RBFOX3: variants seen among roughly 807,000 people sequenced by gnomAD.
RBFOX3 encodes RNA binding protein fox-1 homolog 3.
Under a neutral mutation model 48.7 loss-of-function variants are expected in RBFOX3, and 17 were observed. The ratio of observed to expected loss-of-function variants is 0.35; its 90% CI spans 0.24 to 0.52. The LOEUF (loss-of-function observed/expected upper bound fraction) is 0.52, where lower values mean the gene tolerates loss of function less well. Ranked by LOEUF, RBFOX3 falls within the 20% of genes least tolerant of loss-of-function variation. The pLI is 0.94. For missense variants in RBFOX3, 382 were observed against 497.5 expected, an observed-to-expected ratio of 0.77 and a Z score of 2.21; for synonymous variants, 212 against 209.5, an observed-to-expected ratio of 1.01 and a Z score of -0.10.
chr17:79,097,039 G>A (rs1199517558), intron 11 of RBFOX3, among the ~76,000 whole-genome samples: 2 of 152,102 alleles, frequency 1.3e-5, no homozygotes, highest in Non-Finnish European at 2.9e-5. Context: ...CCCCATTAAA[G>A]CATCCAGACA....
intron 4 of RBFOX3, among the ~76,000 whole-genome samples, chr17:79,213,786 G>C (rs1012000485): frequency 6.6e-6 from 1 of 152,190 alleles, no homozygotes; most frequent in African/African-American, 2.4e-5. Flanking sequence ...ATAACTTTGG[G>C]AACATTTGTA....
intron 2 of RBFOX3, among the ~76,000 whole-genome samples, chr17:79,412,521 T>C (rs1179945525): frequency 2.0e-5 from 3 of 151,472 alleles, no homozygotes; most frequent in Non-Finnish European, 4.4e-5. Flanking sequence ...TATGAATGCA[T>C]TGTGTTGTGT....
chr17:79,528,016 C>T (rs976014685), intron 1 of RBFOX3, among the ~76,000 whole-genome samples: 3 of 152,234 alleles, frequency 2.0e-5, no homozygotes, highest in Non-Finnish European at 2.9e-5. Context: ...CCTCTGAGTA[C>T]CTCTGAGGAG....
intron 1 of RBFOX3, among the ~76,000 whole-genome samples, chr17:79,503,669 G>A (rs1041164976): frequency 2.0e-4 from 31 of 152,252 alleles, no homozygotes; most frequent in African/African-American, 5.3e-4. Context: ...GGATCCCTCC[G>A]TGTCCTGCAG....
chr17:79,405,460 G>C (rs1329044459), intron 2 of RBFOX3, among the ~76,000 whole-genome samples: 1 of 151,710 alleles, frequency 6.6e-6, no homozygotes, highest in East Asian at 1.9e-4. Context: ...GCATGAGTCT[G>C]GGCCAGGCAT....
intron 4 of RBFOX3, among the ~76,000 whole-genome samples, chr17:79,159,911 G>A (rs9907241): frequency 0.13 from 20,046 of 152,228 alleles, 1,410 homozygotes; most frequent in East Asian, 0.23. Flanking sequence ...GGGTGCATGC[G>A]TGTCCGCCGA....
At chr17:79,187,044 C>T (rs2146333441) in intron 4 of RBFOX3, among the ~76,000 whole-genome samples, 1 of 152,378 alleles carries the variant, frequency 6.6e-6, no homozygotes, top group South Asian at 2.1e-4. Flanking sequence ...GTGAAATGGA[C>T]ACACAGGATT....
chr17:79,589,792 G>C (rs1176427143), intron 1 of RBFOX3, among the ~76,000 whole-genome samples: 1 of 152,116 alleles, frequency 6.6e-6, no homozygotes, highest in African/African-American at 2.4e-5. Flanking sequence ...ACCATGGGGG[G>C]TCTGTCCTTC....
chr17:79,112,436 A>C (rs1355235600), intron 5 of RBFOX3, among the ~76,000 whole-genome samples: 4 of 152,196 alleles, frequency 2.6e-5, no homozygotes, highest in Non-Finnish European at 5.9e-5. Context: ...GAGGAGGAGC[A>C]GGAAGAGGCC....
intron 9 of RBFOX3, chr17:79,098,497 G>A (rs1167440337): frequency 5.9e-5 from 9 of 152,376 alleles, no homozygotes; most frequent in Admixed American, 2.0e-4. Flanking sequence ...AAACAGCCCT[G>A]GAGAGGCACA....
Position 79,111,405 on chromosome 17 carries a change from G to A in RBFOX3, c.222+4089C>T, listed in dbSNP as rs188307924. Among the ~76,000 whole-genome samples the A allele has an allele frequency of 3.3e-5, 5 of 152,246 alleles. No individual in the cohort carries two copies. Among genetic ancestry groups the A allele is most frequent in the East Asian group, 3.9e-4 (2 of 5,154 alleles). ...GGCTGGCCCTCCACAGTGACCCTCC[G>A]TGCTTTGTCTGGCATTTTTTTTATC... On this transcript the variant is annotated intron_variant, in intron 5 of 14. Coordinates refer to ENST00000693108, the MANE Select transcript of RBFOX3 (RefSeq NM_001350451.2). The surrounding 1 kb of genome is among the most constrained non-coding windows in gnomAD (Gnocchi z 4.2).
At chr17:79,138,391 G>C (rs1276310179) in intron 4 of RBFOX3, among the ~76,000 whole-genome samples, 4 of 151,868 alleles carry the variant, frequency 2.6e-5, no homozygotes, top group African/African-American at 9.7e-5. Flanking sequence ...CACATACACA[G>C]TGCACACTCT....
At chr17:79,092,105 A>G in intron 14 of RBFOX3, 3 of 985,460 alleles carry the variant, frequency 3.0e-6, no homozygotes, top group Non-Finnish European at 3.6e-6. Flanking sequence ...TCCCTGCGTC[A>G]GGGTGCTGGA....
intron 1 of RBFOX3, among the ~76,000 whole-genome samples, chr17:79,566,264 G>C (rs1045001392): frequency 6.6e-6 from 1 of 152,124 alleles, no homozygotes; most frequent in African/African-American, 2.4e-5. Flanking sequence ...CTCCCTTTGC[G>C]TAAGCACGTC....
intron 1 of RBFOX3, among the ~76,000 whole-genome samples, chr17:79,522,172 C>T (rs2086199853): frequency 6.6e-6 from 1 of 152,194 alleles, no homozygotes; most frequent in African/African-American, 2.4e-5. Flanking sequence ...CTGAGCAGCT[C>T]CCCACTCTCC....
chr17:79,423,481 A>T lies in RBFOX3; in HGVS notation c.-175+58973T>A, dbSNP rs1257719325. Among the ~76,000 whole-genome samples the T allele has an allele frequency of 1.3e-5, 2 of 151,862 alleles. No homozygotes were observed. Among genetic ancestry groups the T allele is most frequent in the Non-Finnish European group, 2.9e-5 (2 of 67,966 alleles). The stretch of plus-strand genomic sequence containing the variant: ...TATTCTCAGCACAGCAGCCAAAGAG[A>T]TTCCTTTAAAATAGAAGTCACATCC... On this transcript the variant is annotated intron_variant, in intron 2 of 14. Transcript: ENST00000693108. The surrounding 1 kb of genome is among the most constrained non-coding windows in gnomAD (Gnocchi z 4.9).
intron 3 of RBFOX3, among the ~76,000 whole-genome samples, chr17:79,291,701 G>T (rs1485754738): frequency 6.6e-6 from 1 of 152,154 alleles, no homozygotes; most frequent in Non-Finnish European, 1.5e-5. Flanking sequence ...TCTGTTCTCA[G>T]GGACAGGCAG....
intron 2 of RBFOX3, among the ~76,000 whole-genome samples, chr17:79,457,468 T>G (rs2074702573): frequency 6.6e-6 from 1 of 152,202 alleles, no homozygotes; most frequent in South Asian, 2.1e-4. Flanking sequence ...CCAAGACACG[T>G]GGCCGCTAAC....
chr17:79,097,176 C>T lies in RBFOX3; in HGVS notation c.755+116G>A, dbSNP rs558474435. On this transcript the variant is annotated intron_variant, in intron 11 of 14. Transcript: ENST00000693108. ...AGTTCTGGGGCTCCCACGATCCTCC[C>T]CCCCCCCAGGTCTGGAAAGGCTGCC... 140 of 872,070 alleles carry T rather than the reference C, an allele frequency of 1.6e-4. No individual in the cohort carries two copies. The African/African-American group carries it at 2.3e-3, about 14-fold the overall frequency. 54.0% of individuals were successfully genotyped at this position (872,070 alleles called of 1,614,324 possible). A position where few individuals can be genotyped will look rare whatever the true frequency, so the allele number is the denominator to read the frequency against.
Sources: allele counts gnomAD v4.1 joint callset (sites outside exome capture counted in the v4.1 genomes callset), GRCh38; gene constraint gnomAD v4.1.1; non-coding constraint Gnocchi (gnomAD v3.1); transcripts MANE v1.5; gene names NCBI Gene and HGNC (gene_info 2026-07-23, HGNC 2026-07-21).